PLD5: variants seen among roughly 807,000 people sequenced by gnomAD.
The protein encoded by PLD5 is phospholipase D family member 5, also known as inactive phospholipase D5.
In PLD5, 36 loss-of-function variants were observed where a neutral mutation model predicts 61.1. The observed-to-expected ratio is 0.59, with a 90% confidence interval of 0.45 to 0.78. PLD5 has a LOEUF of 0.78. PLD5 is among the 30% of genes least tolerant of loss of function. The probability of loss-of-function intolerance (pLI) is 0.00; values close to 1 mark genes in which losing one functional copy is unlikely to be tolerated. For synonymous variants in PLD5, 243 were observed against 242.8 expected, an observed-to-expected ratio of 1.00 and a Z score of -0.01; for missense variants, 515 against 644.4, an observed-to-expected ratio of 0.80 and a Z score of 2.17.
chr1:242,499,139 G>T (rs1002691251), intron 1 of PLD5, among the ~76,000 whole-genome samples: 25 of 152,140 alleles, frequency 1.6e-4, no homozygotes, highest in African/African-American at 6.0e-4. Context: ...AATGATAAAA[G>T]AAGTTTTACT....
At chr1:242,142,682 G>A (rs965682048) in intron 5 of PLD5, among the ~76,000 whole-genome samples, 1 of 151,860 alleles carries the variant, frequency 6.6e-6, no homozygotes, top group Admixed American at 6.6e-5. Flanking sequence ...CATGCGTGGA[G>A]TACAAATGCT....
intron 5 of PLD5, among the ~76,000 whole-genome samples, chr1:242,189,105 A>G (rs773911151): frequency 6.6e-6 from 1 of 152,230 alleles, no homozygotes; most frequent in Non-Finnish European, 1.5e-5. Flanking sequence ...GGTTTGACAT[A>G]GTCTGTGGTA....
chr1:242,367,835 C>T (rs1661427596), intron 1 of PLD5, among the ~76,000 whole-genome samples: 1 of 152,076 alleles, frequency 6.6e-6, no homozygotes, highest in African/African-American at 2.4e-5. Flanking sequence ...GAAGTTGCCC[C>T]AGTGAAACAT....
At chr1:242,343,607 A>G in intron 2 of PLD5, among the ~76,000 whole-genome samples, 1 of 151,252 alleles carries the variant, frequency 6.6e-6, no homozygotes, top group East Asian at 2.0e-4. Flanking sequence ...CTCTTTTACC[A>G]GGGACATGAC....
In PLD5 at chr1:242,089,493, G is replaced by T; in HGVS notation, c.*361C>A. The T allele has an allele frequency of 2.2e-6, 1 of 454,036 alleles. No homozygotes were observed. The highest frequency in any genetic ancestry group is 6.7e-5 in the South Asian group (1 of 14,890). 28.1% of individuals were successfully genotyped at this position (454,036 alleles called of 1,614,324 possible). On this transcript the variant is annotated 3_prime_UTR_variant, in exon 10 of 10. Coordinates refer to ENST00000536534, the MANE Select transcript of PLD5 (RefSeq NM_001372062.1). ...TCTCTAAATCAACAGTTCTCAGAAT[G>T]GTGTTAAAGAGCCCACCTCATGCTA...
chr1:242,216,682 C>T (rs36049113), intron 5 of PLD5, among the ~76,000 whole-genome samples: 42,704 of 152,186 alleles, frequency 0.28, 6,422 homozygotes, highest in South Asian at 0.4. Flanking sequence ...GCACCTTCCT[C>T]GGTGTCTGTG....
chr1:242,393,771 T>A (rs533685311), intron 1 of PLD5, among the ~76,000 whole-genome samples: 1 of 148,900 alleles, frequency 6.7e-6, no homozygotes, highest in African/African-American at 2.4e-5. Context: ...TATATAAGTA[T>A]TTTTAGGCAG....
chr1:242,269,494 T>C lies in PLD5; in HGVS notation c.496-4046A>G, dbSNP rs372448196. On this transcript the variant is annotated intron_variant, in intron 3 of 9. Coordinates refer to ENST00000536534, the MANE Select transcript of PLD5 (RefSeq NM_001372062.1). ...TGTTTCTCTACCCTCCTAGGTTCAA[T>C]GGCTGGGCCCAGGAATCAAACTGAT... 2.4e-4 allele frequency among the ~76,000 whole-genome samples: 37 copies of C among 151,122 alleles called. No individual in the cohort carries two copies. The East Asian group carries it at 5.4e-3, about 22-fold the overall frequency.
Position 242,413,371 on chromosome 1 carries a change from T to C in PLD5, c.190-65129A>G, listed in dbSNP as rs182330089. ...AGGTCCTATTACATATGATAGACTA[T>C]CCTAGGCTTAGGGATATATGGACAA... On this transcript the variant is annotated intron_variant, in intron 1 of 9. Coordinates refer to ENST00000536534, the MANE Select transcript of PLD5 (RefSeq NM_001372062.1). 2.2e-4 allele frequency among the ~76,000 whole-genome samples: 33 copies of C among 152,232 alleles called. No individual in the cohort carries two copies. In the East Asian group the frequency reaches 6.4e-3, roughly 29 times the overall value.
In PLD5 at chr1:242,088,924, C is replaced by T. The variant is rs904396464; in HGVS notation, c.*930G>A. The T allele has an allele frequency of 4.8e-4, 65 of 136,284 alleles. No individual in the cohort carries two copies. The highest frequency in any genetic ancestry group is 4.0e-3 in the Admixed American group (54 of 13,372). The allele number at this position is 136,284 out of a possible 1,614,324, so 8.4% of individuals were successfully genotyped here. On this transcript the variant is annotated 3_prime_UTR_variant, in exon 10 of 10. Transcript: ENST00000536534. ...TTCTAAAGAAATTAAAATCCACTGACGCATAGAGATTTTTTCCTTTATAAT... is the reference window on the plus strand; with the variant it reads ...TTCTAAAGAAATTAAAATCCACTGATGCATAGAGATTTTTTCCTTTATAAT...
chr1:242,316,292 C>A (rs1403116334), intron 2 of PLD5, among the ~76,000 whole-genome samples: 1 of 152,126 alleles, frequency 6.6e-6, no homozygotes, highest in African/African-American at 2.4e-5. Context: ...ATTTTGTACC[C>A]AATAGAGCTT....
rs536170171 is a variant in PLD5, at chr1:242,388,114, CA to C, written c.190-39873del. Among the ~76,000 whole-genome samples, 466 of 152,262 alleles carry C rather than the reference CA, an allele frequency of 3.1e-3. 3 individuals are homozygous for C. Among genetic ancestry groups the C allele is most frequent in the African/African-American group, 0.011 (447 of 41,554 alleles). On this transcript the variant is annotated intron_variant, in intron 1 of 9. Transcript: ENST00000536534. Reference sequence around the variant, plus strand: ...AGCATTTCAGATTTAACGTTGGAAACAAAAACTCTCTGGGTTGTCGTCTTCT... The same window carrying C: ...AGCATTTCAGATTTAACGTTGGAAACAAAACTCTCTGGGTTGTCGTCTTCT...
intron 1 of PLD5, among the ~76,000 whole-genome samples, chr1:242,428,789 G>A (rs997856327): frequency 2.0e-5 from 3 of 152,068 alleles, no homozygotes; most frequent in Admixed American, 1.3e-4. Flanking sequence ...AAACAGCACA[G>A]GAGATAAAGG....
intron 1 of PLD5, among the ~76,000 whole-genome samples, chr1:242,361,289 C>CAATG (rs1661050495): frequency 6.6e-6 from 1 of 152,082 alleles, no homozygotes; most frequent in African/African-American, 2.4e-5. Context: ...CTCCTTGGAA[C>CAATG]AATGTACTAT....
At chr1:242,419,244 A>G (rs548217798) in intron 1 of PLD5, among the ~76,000 whole-genome samples, 17 of 152,204 alleles carry the variant, frequency 1.1e-4, no homozygotes, top group Non-Finnish European at 2.2e-4. Flanking sequence ...TTCTCATGCC[A>G]TCAGGGAAGG....
chr1:242,320,793 C>G (rs962983352), intron 2 of PLD5, among the ~76,000 whole-genome samples: 2 of 152,306 alleles, frequency 1.3e-5, no homozygotes, highest in South Asian at 4.1e-4. Flanking sequence ...AATCTAATAG[C>G]AGGTCCCACT....
chr1:242,296,653 C>T (rs1289834151), intron 2 of PLD5, among the ~76,000 whole-genome samples: 1 of 152,132 alleles, frequency 6.6e-6, no homozygotes, highest in Non-Finnish European at 1.5e-5. Context: ...AGTGAATTTA[C>T]TTGTGAAAAA....
chr1:242,291,072 CA>C (rs1285557512), intron 2 of PLD5, among the ~76,000 whole-genome samples: 1 of 152,146 alleles, frequency 6.6e-6, no homozygotes, highest in Non-Finnish European at 1.5e-5. Context: ...TTCCATACCA[CA>C]GCCATATTTG....
intron 4 of PLD5, among the ~76,000 whole-genome samples, chr1:242,228,796 A>G (rs543710537): frequency 2.6e-5 from 4 of 152,244 alleles, no homozygotes; most frequent in African/African-American, 4.8e-5. Flanking sequence ...CGTCCTCGCA[A>G]CAGAGAGAAA....
Sources: allele counts gnomAD v4.1 joint callset (sites outside exome capture counted in the v4.1 genomes callset), GRCh38; gene constraint gnomAD v4.1.1; transcripts MANE v1.5; gene names NCBI Gene and HGNC (gene_info 2026-07-23, HGNC 2026-07-21).